Variants in KCNIP4 observed in about 807,000 individuals in gnomAD.
The protein encoded by KCNIP4 is potassium voltage-gated channel interacting protein 4.
KCNIP4 carries 12 observed loss-of-function variants against 34.0 expected under a neutral mutation model. That is an observed-to-expected ratio of 0.35 (90% CI 0.23 to 0.57). KCNIP4 has a LOEUF of 0.57. KCNIP4 is among the 20% of genes least tolerant of loss of function. The probability of loss-of-function intolerance (pLI) is 0.83; values close to 1 mark genes in which losing one functional copy is unlikely to be tolerated. For synonymous variants in KCNIP4, 124 were observed against 102.2 expected (o/e 1.21, Z -1.29); for missense variants, 238 against 311.7 (o/e 0.76, Z 1.78).
intron 1 of KCNIP4, among the ~76,000 whole-genome samples, chr4:21,552,160 G>A (rs1738641044): frequency 1.3e-5 from 2 of 151,868 alleles, no homozygotes; most frequent in Middle Eastern, 3.4e-3. Context: ...AATGAATGCT[G>A]TAATTAGAAA....
At chr4:21,834,710 T>C (rs374009354) in intron 1 of KCNIP4, among the ~76,000 whole-genome samples, 11,873 of 151,806 alleles carry the variant, frequency 0.078, 520 homozygotes, top group Middle Eastern at 0.13. Flanking sequence ...GCCCATTCAG[T>C]ATGATATTGG....
intron 1 of KCNIP4, among the ~76,000 whole-genome samples, chr4:21,412,529 G>C (rs185344802): frequency 1.3e-5 from 2 of 152,312 alleles, no homozygotes; most frequent in Admixed American, 1.3e-4. Context: ...AACAGGGAGA[G>C]ACCATAACTT....
intron 1 of KCNIP4, among the ~76,000 whole-genome samples, chr4:21,740,456 T>G (rs1716316710): frequency 6.6e-6 from 1 of 152,052 alleles, no homozygotes; most frequent in Non-Finnish European, 1.5e-5. Context: ...AAATAATTAT[T>G]AATCATATCA....
intron 1 of KCNIP4, among the ~76,000 whole-genome samples, chr4:21,565,500 T>C (rs1336876316): frequency 6.6e-6 from 1 of 152,098 alleles, no homozygotes. Flanking sequence ...CAAACTTTCA[T>C]AAACATAAAT....
intron 1 of KCNIP4, among the ~76,000 whole-genome samples, chr4:21,422,659 T>TTGTGTG (rs3083787): frequency 6.5e-4 from 96 of 147,728 alleles, no homozygotes; most frequent in Middle Eastern, 3.4e-3. Context: ...ATGTGTGTGT[T>TTGTGTG]TGTGTGTGTG....
chr4:21,016,438 G>C (rs537894210), intron 1 of KCNIP4, among the ~76,000 whole-genome samples: 1 of 151,322 alleles, frequency 6.6e-6, no homozygotes, highest in South Asian at 2.1e-4. Context: ...TGGGACTACA[G>C]GTGCCCGCCA....
At chr4:21,022,244 C>T (rs1740139053) in intron 1 of KCNIP4, among the ~76,000 whole-genome samples, 1 of 152,176 alleles carries the variant, frequency 6.6e-6, no homozygotes, top group South Asian at 2.1e-4. Flanking sequence ...TGTTATGACA[C>T]TCCTGACCAT....
At chr4:21,447,783 T>C (rs931875403) in intron 1 of KCNIP4, among the ~76,000 whole-genome samples, 3 of 152,110 alleles carry the variant, frequency 2.0e-5, no homozygotes, top group African/African-American at 7.2e-5. Context: ...TGTGATCTGC[T>C]GACCTGCTTG....
chr4:21,694,824 C>G (rs1171764101), intron 1 of KCNIP4, among the ~76,000 whole-genome samples: 1 of 149,742 alleles, frequency 6.7e-6, no homozygotes, highest in East Asian at 2.0e-4. Context: ...AAATGAGAAG[C>G]AGCTGCCAAA....
chr4:21,916,507 T>C (rs1461035494), intron 1 of KCNIP4, among the ~76,000 whole-genome samples: 1 of 152,194 alleles, frequency 6.6e-6, no homozygotes, highest in South Asian at 2.1e-4. Flanking sequence ...TGATTACATG[T>C]TTCCTTATCC....
intron 1 of KCNIP4, among the ~76,000 whole-genome samples, chr4:21,747,677 A>G (rs2109139224): frequency 6.6e-6 from 1 of 152,262 alleles, no homozygotes; most frequent in Non-Finnish European, 1.5e-5. Context: ...AATTTGATGG[A>G]TCTTAATTGG....
At chr4:21,112,025 GTATC>G (rs34396290) in intron 1 of KCNIP4, among the ~76,000 whole-genome samples, 35,838 of 114,438 alleles carry the variant, frequency 0.31, 4,756 homozygotes, top group Non-Finnish European at 0.36. Flanking sequence ...TCCTTTCTCT[GTATC>G]TATCTATCTA....
At chr4:21,209,223 T>C (rs539998239) in intron 1 of KCNIP4, among the ~76,000 whole-genome samples, 4 of 152,336 alleles carry the variant, frequency 2.6e-5, no homozygotes, top group East Asian at 3.9e-4. Context: ...GTAATTAACA[T>C]ATCCGTCATC....
intron 1 of KCNIP4, among the ~76,000 whole-genome samples, chr4:21,192,009 T>C (rs1755682838): frequency 6.6e-6 from 1 of 152,242 alleles, no homozygotes; most frequent in South Asian, 2.1e-4. Context: ...CATTTCATAT[T>C]GTTTTATATT....
rs574156992 is a variant in KCNIP4 at position 21,019,228 on chromosome 4, T to G, written c.62-136519A>C. On this transcript the variant is annotated intron_variant, in intron 1 of 8. Coordinates refer to ENST00000382152, the MANE Select transcript of KCNIP4 (RefSeq NM_025221.6). ...TGGAGTGCAGTGGCGTGATCTTGGC[T>G]CAATGCAACCTCCACCTCCCTGGTT... 1.1e-4 allele frequency among the ~76,000 whole-genome samples: 16 copies of G among 152,100 alleles called. 1 individual carries two copies. The South Asian group carries it at 3.3e-3, about 32-fold the overall frequency.
chr4:20,940,017 T>G (rs1045428324), intron 1 of KCNIP4, among the ~76,000 whole-genome samples: 1 of 152,184 alleles, frequency 6.6e-6, no homozygotes, highest in Non-Finnish European at 1.5e-5. Flanking sequence ...GTCATTCCAC[T>G]CCTAGACTTA....
intron 1 of KCNIP4, among the ~76,000 whole-genome samples, chr4:21,104,603 A>T (rs1452290127): frequency 6.6e-6 from 1 of 151,948 alleles, no homozygotes; most frequent in African/African-American, 2.4e-5. Flanking sequence ...GTTTAATTAG[A>T]TCCCATTTGT....
At chr4:21,216,059 G>A (rs1757554430) in intron 1 of KCNIP4, among the ~76,000 whole-genome samples, 1 of 152,158 alleles carries the variant, frequency 6.6e-6, no homozygotes, top group Admixed American at 6.5e-5. Flanking sequence ...CCAAAGTGTT[G>A]GGATTACAGG....
chr4:21,269,199 C>T (rs983061478), intron 1 of KCNIP4, among the ~76,000 whole-genome samples: 12 of 152,022 alleles, frequency 7.9e-5, no homozygotes, highest in Non-Finnish European at 1.8e-4. Context: ...CCTTAATGAT[C>T]CAAGTGAAAC....
Sources: allele counts gnomAD v4.1 joint callset (sites outside exome capture counted in the v4.1 genomes callset), GRCh38; gene constraint gnomAD v4.1.1; transcripts MANE v1.5; gene names NCBI Gene and HGNC (gene_info 2026-07-23, HGNC 2026-07-21).